ABCA2: variants seen among roughly 807,000 people sequenced by gnomAD.
The protein encoded by ABCA2 is ATP-binding cassette sub-family A member 2.
In ABCA2, 84 loss-of-function variants were observed where a neutral mutation model predicts 262.8. That is an observed-to-expected ratio of 0.32 (90% CI 0.27 to 0.38). The LOEUF (loss-of-function observed/expected upper bound fraction) is 0.38, where lower values mean the gene tolerates loss of function less well. Among genes scored for constraint, ABCA2 ranks in the 10% least tolerant of loss-of-function variants. The probability of loss-of-function intolerance (pLI) is 1.00; values close to 1 mark genes in which losing one functional copy is unlikely to be tolerated. For missense variants in ABCA2, 2,662 were observed against 3,405.9 expected (o/e 0.78, Z 5.44); for synonymous variants, 1,696 against 1,502.9 (o/e 1.13, Z -2.97).
chr9:137,017,578 G>C lies in ABCA2; in HGVS notation c.2326C>G (p.Gln776Glu), dbSNP rs1221429014. 9 of 1,612,622 alleles carry C rather than the reference G, an allele frequency of 5.6e-6. No homozygotes were observed. Among genetic ancestry groups the C allele is most frequent in the Non-Finnish European group, 5.1e-6 (6 of 1,179,928 alleles). The change falls in exon 17 of 49, where the codon CAG (glutamine) becomes GAG (glutamate). Residue 776 changes from glutamine (Q) to glutamate (E), a missense_variant. Transcript: ENST00000341511. ...TALTAILKYG[Q>E]VLMHSHVVII... ...ACCACGTGGCTGTGCATAAGCACCT[G>C]GCCGTACTTCAGGATGGCGGTGAGT...
In ABCA2 at chr9:137,019,012, G is replaced by A. The variant is rs763095698; in HGVS notation, c.1613C>T (p.Pro538Leu). The A allele has an allele frequency of 3.7e-6, 6 of 1,612,872 alleles. No homozygotes were observed. The highest frequency in any genetic ancestry group is 1.3e-5 in the African/African-American group (1 of 75,020). ...EALNLSLDEL[P>L]PALRQDNFSL... The stretch of plus-strand genomic sequence containing the variant: ...GAAGTTGTCCTGTCTCAGGGCCGGC[G>A]GCAGCTCATCCAGTGACAGGTTCAG... The change falls in exon 12 of 49, where the codon CCG becomes CTG. Residue 538 changes from proline (P) to leucine (L), a missense_variant. By Grantham distance (98) the Pro-to-Leu change is moderately conservative. This residue lies in a region of ABCA2 where 187 missense variants were observed against 205.9 expected (regional missense o/e 0.91). Coordinates refer to ENST00000341511, the MANE Select transcript of ABCA2 (RefSeq NM_001606.5). The surrounding 1 kb of genome is among the most constrained non-coding windows in gnomAD (Gnocchi z 4.4).
Position 137,008,724 on chromosome 9 carries a change from C to T in ABCA2, c.7068+7G>A, listed in dbSNP as rs115882093. ...GGTGTGGTGCGCAGTGCCCTTGGGG[C>T]GCTCACATTGTCCAGTGTGGTCTGG... On this transcript the variant is annotated splice_region_variant and intron_variant, in intron 47 of 48. Transcript: ENST00000341511. 1,538 of 1,573,806 alleles carry T rather than the reference C, an allele frequency of 9.8e-4. 13 individuals carry two copies. In the African/African-American group the frequency reaches 0.017, roughly 18 times the overall value.
In ABCA2 at chr9:137,014,358, C is replaced by G. The variant is rs537991192; in HGVS notation, c.4050G>C (p.Pro1350=). 1.3e-6 allele frequency: 2 copies of G among 1,599,296 alleles called. No homozygotes were observed. The highest frequency in any genetic ancestry group is 2.7e-5 in the African/African-American group (2 of 74,568). Residue 1350 remains proline, a synonymous_variant, in exon 27 of 49, where the codon CCG becomes CCC. Transcript: ENST00000341511. The part of the protein sequence containing the change: ...RKDVLPGAEG[P]ASGEGHAGNL... ...TGCCAGCGTGACCCTCCCCAGACGC[C>G]GGGCCCTCCGCCCCAGGGAGCACAT...
intron 10 of ABCA2, 24 bp downstream of exon 10, chr9:137,020,312 A>C: frequency 1.2e-6 from 2 of 1,610,546 alleles, no homozygotes; most frequent in South Asian, 2.2e-5. Context: ...CCTGTCAAAC[A>C]TGGAGCGTCC....
intron 39 of ABCA2, 104 bp downstream of exon 39, chr9:137,010,869 C>G: frequency 8.5e-7 from 1 of 1,178,414 alleles, no homozygotes; most frequent in Non-Finnish European, 1.2e-6. Flanking sequence ...CTGCCTCACC[C>G]CCTCCTGCCC....
chr9:137,010,240 G>T lies in ABCA2; in HGVS notation c.6306C>A (p.Thr2102=), dbSNP rs200002840. The T allele has an allele frequency of 6.2e-7, 1 of 1,604,072 alleles. No individual in the cohort carries two copies. The highest frequency in any genetic ancestry group is 8.5e-7 in the Non-Finnish European group (1 of 1,176,786). Residue 2102 remains threonine (T), a synonymous_variant, in exon 41 of 49, where the codon ACC becomes ACA. Transcript: ENST00000341511. Reference sequence around the variant, plus strand: ...CGCCCCCCGTCGTGCTCTCGTCGCCGGTCAGCATCTTGAAGGTGCTGGTCT... The same window carrying T: ...CGCCCCCCGTCGTGCTCTCGTCGCCTGTCAGCATCTTGAAGGTGCTGGTCT... ...AGKTSTFKML[T]GDESTTGGEA... is the part of the protein sequence containing the mutation.
In ABCA2 at chr9:137,015,167, A is replaced by G. The variant is rs1229239373; in HGVS notation, c.3698-70T>C. 4 of 1,487,900 alleles carry G rather than the reference A, an allele frequency of 2.7e-6. No individual in the cohort carries two copies. The East Asian group carries it at 6.8e-5, about 25-fold the overall frequency. 92.2% of individuals were successfully genotyped at this position (1,487,900 alleles called of 1,614,324 possible). A position where few individuals can be genotyped will look rare whatever the true frequency, so the allele number is the denominator to read the frequency against. On this transcript the variant is annotated intron_variant, in intron 24 of 48. Coordinates refer to ENST00000341511, the MANE Select transcript of ABCA2 (RefSeq NM_001606.5). The stretch of plus-strand genomic sequence containing the variant: ...GAGGAGGGACCCCCAATGGGAACCC[A>G]ACTGGGTCAAGATATGGGCATTGGA...
In ABCA2 at chr9:137,028,205, G is replaced by A. The variant is rs905109954; in HGVS notation, c.-65C>T. The A allele has an allele frequency of 1.2e-5, 12 of 976,092 alleles. No individual in the cohort carries two copies. The South Asian group carries it at 3.2e-4, about 26-fold the overall frequency. 60.5% of individuals were successfully genotyped at this position (976,092 alleles called of 1,614,324 possible). On this transcript the variant is annotated 5_prime_UTR_variant, in exon 1 of 49. Coordinates refer to ENST00000341511, the MANE Select transcript of ABCA2 (RefSeq NM_001606.5). The surrounding 1 kb of genome is among the most constrained non-coding windows in gnomAD (Gnocchi z 6.9). ...TCCTCTGCGCGCCCCGCCGGGCCCCGCAGCCCGCCGCGCCGCTGGGCATCG... is the reference window on the plus strand; with the variant it reads ...TCCTCTGCGCGCCCCGCCGGGCCCCACAGCCCGCCGCGCCGCTGGGCATCG...
In ABCA2 at chr9:137,009,902, A is replaced by T. The variant is rs1281815541; in HGVS notation, c.6497T>A (p.Val2166Glu). 4 of 1,605,718 alleles carry T rather than the reference A, an allele frequency of 2.5e-6. No homozygotes were observed. Among genetic ancestry groups the T allele is most frequent in the Non-Finnish European group, 3.4e-6 (4 of 1,175,148 alleles). The change falls in exon 43 of 49, where the codon GTG (valine) becomes GAG (glutamate). Residue 2166 changes from valine (V) to glutamate (E), a missense_variant and splice_region_variant. Physicochemically the swap from Val to Glu is moderately radical, Grantham distance 121. Around this residue, in one of 12 missense-constraint regions of ABCA2, gnomAD observed 602 missense variants for 897.4 expected, o/e 0.67. Coordinates refer to ENST00000341511, the MANE Select transcript of ABCA2 (RefSeq NM_001606.5). ...CAGCTTCTCCAGAGCCCACTTCACC[A>T]CCTGGCCAGGGAACGCAGGTGTCAG... The part of the protein sequence containing the change: ...RGISWKDEAR[V>E]VKWALEKLEL...
At chr9:137,017,755 C>T (rs762682599) in intron 16 of ABCA2, 32 bp downstream of exon 16, 17 of 1,610,216 alleles carry the variant, frequency 1.1e-5, no homozygotes, top group Middle Eastern at 1.6e-4. Flanking sequence ...CCTGCCAGCC[C>T]GCGCCTCCAG....
chr9:137,025,009 A>G (rs1461551870), intron 1 of ABCA2, among the ~76,000 whole-genome samples: 1 of 152,168 alleles, frequency 6.6e-6, no homozygotes, highest in Non-Finnish European at 1.5e-5. Context: ...CGTGTTAGCC[A>G]GGATGGTGTC....
At position 137,010,136 on chromosome 9, in the gene ABCA2, G is replaced by A. The variant is rs767374854; in HGVS notation, c.6354-12C>T. The stretch of plus-strand genomic sequence containing the variant: ...GCTCCTTCAGCACGCTGGGGACACG[G>A]CAGCTGTCAGCGCGTGAGGACGCGG... On this transcript the variant is annotated splice_polypyrimidine_tract_variant and intron_variant, in intron 41 of 48. Coordinates refer to ENST00000341511, the MANE Select transcript of ABCA2 (RefSeq NM_001606.5). 6 of 1,590,990 alleles carry A rather than the reference G, an allele frequency of 3.8e-6. No individual in the cohort carries two copies. The highest frequency in any genetic ancestry group is 3.4e-5 in the Admixed American group (2 of 59,328).
At position 137,010,188 on chromosome 9, in the gene ABCA2, C is replaced by A; in HGVS notation, c.6353+5G>T. 1 of 1,600,536 alleles carries A rather than the reference C, an allele frequency of 6.2e-7. No homozygotes were observed. Among genetic ancestry groups the A allele is most frequent in the Non-Finnish European group, 8.5e-7 (1 of 1,177,652 alleles). On this transcript the variant is annotated splice_donor_5th_base_variant and intron_variant, in intron 41 of 48. Transcript: ENST00000341511. Reference sequence around the variant, plus strand: ...GGCCCCGCCCACCCAGGGCTCCCGCCCCACCTGTGTCCATTGACGAAGGCC... The same window carrying A: ...GGCCCCGCCCACCCAGGGCTCCCGCACCACCTGTGTCCATTGACGAAGGCC...
chr9:137,008,818 C>A lies in ABCA2; in HGVS notation c.6981G>T (p.Ser2327=). 1.2e-6 allele frequency: 2 copies of A among 1,605,022 alleles called. No homozygotes were observed. Among genetic ancestry groups the A allele is most frequent in the Non-Finnish European group, 1.7e-6 (2 of 1,179,152 alleles). Residue 2327 remains serine (S), a synonymous_variant, in exon 47 of 49, where the codon TCG becomes TCT. Coordinates refer to ENST00000341511, the MANE Select transcript of ABCA2 (RefSeq NM_001606.5). The part of the protein sequence containing the change: ...VQYQLKSEHI[S]LAQVFSKMEQ... ...CCATCTTGCTGAACACCTGGGCCAG[C>A]GAGATGTGCTCCGACTTGAGCTGGT...
rs1417453455 is a variant in ABCA2, at chr9:137,014,326, G to A, written c.4082C>T (p.Ala1361Val). The A allele has an allele frequency of 2.5e-6, 4 of 1,608,512 alleles. No individual in the cohort carries two copies. The highest frequency in any genetic ancestry group is 3.4e-5 in the Admixed American group (2 of 59,644). ...ASGEGHAGNLARCSELTQSQA... is the reference protein window; with the variant it reads ...ASGEGHAGNLVRCSELTQSQA... ...CGACTGGGTCAGCTCCGAGCACCGG[G>A]CCAGATTGCCAGCGTGACCCTCCCC... The change falls in exon 27 of 49, where the codon GCC becomes GTC. Residue 1361 changes from alanine to valine, a missense_variant. Coordinates refer to ENST00000341511, the MANE Select transcript of ABCA2 (RefSeq NM_001606.5).
At chr9:137,024,321 C>T (rs1831579402) in intron 1 of ABCA2, 85 bp from the exon 2 acceptor site, 1 of 1,211,772 alleles carries the variant, frequency 8.3e-7, no homozygotes, top group Non-Finnish European at 1.1e-6. Context: ...TGGCCCAGCC[C>T]AGACAGGACC....
In ABCA2 at chr9:137,017,325, G is replaced by A. The variant is rs200673706; in HGVS notation, c.2424C>T (p.Tyr808=). 517 of 1,612,526 alleles carry A rather than the reference G, an allele frequency of 3.2e-4. 1 individual carries two copies. Among genetic ancestry groups the A allele is most frequent in the Non-Finnish European group, 4.3e-4 (504 of 1,179,894 alleles). Residue 808 remains tyrosine (Y), a synonymous_variant, in exon 18 of 49, where the codon TAC becomes TAT. Transcript: ENST00000341511. ...IMFCFLVSVL[Y]SKAKLASACG... is the part of the protein sequence containing the mutation. ...AGGCCGAGGCCAGCTTGGCCTTGGA[G>A]TACAGCACAGACACCAGGAAGCTGG...
At position 137,013,480 on chromosome 9, in the gene ABCA2, C is replaced by T; in HGVS notation, c.4531G>A (p.Glu1511Lys). 6 of 1,608,518 alleles carry T rather than the reference C, an allele frequency of 3.7e-6. No individual in the cohort carries two copies. The highest frequency in any genetic ancestry group is 5.1e-6 in the Non-Finnish European group (6 of 1,178,844). ...CCTCACCGGTACTCGCGGCGCTCCT[C>T]GTTGGCGTAGGGGATGAAATTGCCA... ...PRGNFIPYAN[E>K]ERREYRLRLS... The change falls in exon 29 of 49, where the codon GAG (glutamate) becomes AAG (lysine). Residue 1511 changes from glutamate to lysine, a missense_variant. Glu to Lys is a moderately conservative substitution (Grantham distance 56, BLOSUM62 1). Coordinates refer to ENST00000341511, the MANE Select transcript of ABCA2 (RefSeq NM_001606.5).
In ABCA2 at chr9:137,016,347, G is replaced by A. The variant is rs764428831; in HGVS notation, c.3048C>T (p.Tyr1016=). ...LALNKLSLNL[Y]ENQVVSFLGH... ...CCAAGAAGGAGACCACCTGGTTCTC[G>A]TAGAGGTTCAGGCTCAGCTTGTTCA... The change falls in exon 21 of 49, where the codon TAC becomes TAT. Residue 1016 remains tyrosine, a synonymous_variant. Coordinates refer to ENST00000341511, the MANE Select transcript of ABCA2 (RefSeq NM_001606.5). 50 of 1,612,786 alleles carry A rather than the reference G, an allele frequency of 3.1e-5. No individual in the cohort carries two copies. The highest frequency in any genetic ancestry group is 8.3e-5 in the Admixed American group (5 of 59,998).
Sources: gnomAD v4.1 joint callset for allele counts (sites outside exome capture counted in the v4.1 genomes callset) on GRCh38, gnomAD v4.1.1 for gene constraint, gnomAD v4.1.1 regional missense constraint, Gnocchi (gnomAD v3.1) non-coding constraint, MANE v1.5 for transcripts, NCBI Gene and HGNC (gene_info 2026-07-23, HGNC 2026-07-21) for gene names.